The following VRK2 variants were observed in gnomAD, a reference collection of about 807,000 sequenced individuals.
VRK2 encodes VRK serine/threonine kinase 2, also known as serine/threonine-protein kinase VRK2.
In VRK2, 60 loss-of-function variants were observed where a neutral mutation model predicts 57.6. The observed-to-expected ratio is 1.04, with a 90% CI of 0.85 to 1.29. The LOEUF (loss-of-function observed/expected upper bound fraction) is 1.29. Among genes scored for constraint, VRK2 ranks in the 50% most tolerant of loss-of-function variants. The pLI is 0.00. For synonymous variants in VRK2, 231 were observed against 199.2 expected (o/e 1.16, Z -1.35); for missense variants, 705 against 588.1 (o/e 1.20, Z -2.06).
chr2:58,046,740 C>A (rs923387184), upstream of VRK2: 12 of 985,424 alleles, frequency 1.2e-5, no homozygotes, highest in Non-Finnish European at 1.3e-5. Flanking sequence ...TTAGGCAGGT[C>A]CTAGGGAGGG....
Position 58,159,743 on chromosome 2 carries a change from A to G in VRK2, c.*50A>G, listed in dbSNP as rs750638810. 1.2e-6 allele frequency: 2 copies of G among 1,612,790 alleles called. No individual in the cohort carries two copies. The highest frequency in any genetic ancestry group is 1.7e-5 in the Admixed American group (1 of 59,890). On this transcript the variant is annotated 3_prime_UTR_variant, in exon 13 of 13. Coordinates refer to ENST00000340157, the MANE Select transcript of VRK2 (RefSeq NM_006296.7). ...TAATTTTTTAAGTTTCCAGCTCTTC[A>G]CCGAAATGTTGTATTCTTATTTCAG...
At chr2:58,052,238 A>AT (rs1675853185) in intron 2 of VRK2, among the ~76,000 whole-genome samples, 2 of 152,252 alleles carry the variant, frequency 1.3e-5, no homozygotes, top group South Asian at 4.1e-4. Context: ...ATTAAATGAG[A>AT]TTTTTTTAAG....
intron 2 of VRK2, among the ~76,000 whole-genome samples, chr2:58,075,660 G>A (rs560071917): frequency 1.0e-3 from 159 of 152,078 alleles, no homozygotes; most frequent in Non-Finnish European, 1.8e-3. Context: ...TTGGTGGGGG[G>A]CCTATGCCCC....
chr2:58,075,087 CTT>C (rs1415981183), intron 2 of VRK2, among the ~76,000 whole-genome samples: 1 of 152,066 alleles, frequency 6.6e-6, no homozygotes, highest in East Asian at 1.9e-4. Flanking sequence ...TTGTTCCCTT[CTT>C]TGTGTCCATG....
At chr2:58,043,984 G>A (rs147480213), upstream of VRK2, among the ~76,000 whole-genome samples, 1 of 152,248 alleles carries the variant, frequency 6.6e-6, no homozygotes, top group Non-Finnish European at 1.5e-5. Flanking sequence ...CTTTATAAGT[G>A]CACACATTTA....
intron 1 of VRK2, among the ~76,000 whole-genome samples, chr2:57,929,607 C>T (rs1331466838): frequency 2.0e-5 from 3 of 152,110 alleles, no homozygotes; most frequent in Admixed American, 6.5e-5. Flanking sequence ...ACTCTTCTCT[C>T]TCCTTTTCCC....
intron 2 of VRK2, among the ~76,000 whole-genome samples, chr2:58,066,348 T>G (rs1482235853): frequency 6.6e-6 from 1 of 151,218 alleles, no homozygotes; most frequent in Non-Finnish European, 1.5e-5. Flanking sequence ...CAGGTGGTTC[T>G]TCTTTAGATT....
intron 2 of VRK2, among the ~76,000 whole-genome samples, chr2:58,062,914 C>G (rs1677560870): frequency 6.6e-6 from 1 of 152,080 alleles, no homozygotes; most frequent in Admixed American, 6.6e-5. Flanking sequence ...ATGAAACAGC[C>G]TTCTATTGGA....
rs141876808 is a variant in VRK2 at position 58,143,832 on chromosome 2, G to A, written c.1024-2484G>A. On this transcript the variant is annotated intron_variant, in intron 11 of 12. Coordinates refer to ENST00000340157, the MANE Select transcript of VRK2 (RefSeq NM_006296.7). Reference sequence around the variant, plus strand: ...TCAAGATACAGCACAACCTAAGTGTGTGTCAATGGGTGAATGGATAAAGTG... The same window carrying A: ...TCAAGATACAGCACAACCTAAGTGTATGTCAATGGGTGAATGGATAAAGTG... Among the ~76,000 whole-genome samples the A allele has an allele frequency of 5.9e-5, 9 of 151,874 alleles. No individual in the cohort carries two copies. The East Asian group carries it at 1.5e-3, about 26-fold the overall frequency.
chr2:58,150,994 G>A (rs1682935902), intron 12 of VRK2, among the ~76,000 whole-genome samples: 1 of 151,508 alleles, frequency 6.6e-6, no homozygotes, highest in Non-Finnish European at 1.5e-5. Flanking sequence ...AACACATCCT[G>A]TATTATTGCA....
intron 1 of VRK2, among the ~76,000 whole-genome samples, chr2:57,931,517 A>T (rs1047663118): frequency 6.6e-6 from 1 of 152,186 alleles, no homozygotes; most frequent in South Asian, 2.1e-4. Context: ...TCTGAATATT[A>T]ACCCCATATC....
intron 1 of VRK2, among the ~76,000 whole-genome samples, chr2:57,990,982 G>C (rs1160653445): frequency 1.3e-5 from 2 of 152,022 alleles, no homozygotes; most frequent in African/African-American, 4.8e-5. Flanking sequence ...CATGTCCATA[G>C]GGATAGATGG....
In VRK2 at chr2:58,007,953, T is replaced by C. The variant is rs193253422; in HGVS notation, c.-438-17712T>C. Among the ~76,000 whole-genome samples, 133 of 152,116 alleles carry C rather than the reference T, an allele frequency of 8.7e-4. 1 individual carries two copies. The highest frequency in any genetic ancestry group is 2.7e-3 in the African/African-American group (113 of 41,512). ...ACAAAGGGAAATAGAAAATCCACAA[T>C]AATGCTGACTACTTTAACAAACTTG... On this transcript the variant is annotated intron_variant, in intron 1 of 15. Coordinates refer to the VRK2 transcript ENST00000417641.
intron 1 of VRK2, among the ~76,000 whole-genome samples, chr2:57,931,704 G>A (rs1376445638): frequency 6.6e-6 from 1 of 151,984 alleles, no homozygotes; most frequent in Non-Finnish European, 1.5e-5. Flanking sequence ...CGATGTCATG[G>A]ACATTTTCTC....
chr2:57,974,950 G>C (rs1672204119), intron 1 of VRK2, among the ~76,000 whole-genome samples: 1 of 151,738 alleles, frequency 6.6e-6, no homozygotes, highest in Non-Finnish European at 1.5e-5. Flanking sequence ...TCATAGGTTT[G>C]AGAGATCAGG....
chr2:57,932,641 T>C (rs894153173), intron 1 of VRK2, among the ~76,000 whole-genome samples: 1 of 152,212 alleles, frequency 6.6e-6, no homozygotes, highest in Admixed American at 6.5e-5. Context: ...ATTTTACTCT[T>C]TTAATTAATC....
intron 1 of VRK2, among the ~76,000 whole-genome samples, chr2:57,926,213 A>T (rs956214964): frequency 5.3e-5 from 8 of 151,890 alleles, no homozygotes; most frequent in Non-Finnish European, 1.5e-5. Context: ...CATTGAATAA[A>T]TTGTTCTGTA....
In VRK2 at chr2:58,159,440, T is replaced by G. The variant is rs747110288; in HGVS notation, c.1274T>G (p.Phe425Cys). Residue 425 changes from phenylalanine to cysteine, a missense_variant, in exon 13 of 13, where the codon TTC (phenylalanine) becomes TGC (cysteine). By Grantham distance (205) the Phe-to-Cys change is radical. Transcript: ENST00000340157. ...SFPQKISYTQ[F>C]PNSFYEPHQD... ...CCACAAAAAATCAGCTATACACAAT[T>G]CCCAAACTCATTTTATGAGCCTCAT... 25 of 1,613,484 alleles carry G rather than the reference T, an allele frequency of 1.5e-5. No homozygotes were observed. The highest frequency in any genetic ancestry group is 2.1e-5 in the Non-Finnish European group (25 of 1,179,728).
intron 12 of VRK2, among the ~76,000 whole-genome samples, chr2:58,150,326 G>GT (rs1204521897): frequency 1.3e-5 from 2 of 151,170 alleles, no homozygotes; most frequent in Non-Finnish European, 3.0e-5. Context: ...TCTTGGGTCA[G>GT]TTTTATATTT....
Sources: allele counts gnomAD v4.1 joint callset (sites outside exome capture counted in the v4.1 genomes callset), GRCh38; gene constraint gnomAD v4.1.1; transcripts MANE v1.5; gene names NCBI Gene and HGNC (gene_info 2026-07-23, HGNC 2026-07-21).